Variants in SATB1 observed in about 807,000 individuals in gnomAD.
SATB1 encodes the protein SATB homeobox 1.
Under a neutral mutation model 86.9 loss-of-function variants are expected in SATB1, and 11 were observed. The observed-to-expected ratio is 0.13, with a 90% CI of 0.08 to 0.21. The LOEUF is 0.21. Ranked by LOEUF, SATB1 falls within the 10% of genes least tolerant of loss-of-function variation. The pLI is 1.00. For missense variants in SATB1, 551 were observed against 937.6 expected, an observed-to-expected ratio of 0.59 and a Z score of 5.39; for synonymous variants, 357 against 357.2, an observed-to-expected ratio of 1.00 and a Z score of 0.01.
At chr3:18,412,442 T>C (rs1697902845) in intron 5 of SATB1, among the ~76,000 whole-genome samples, 1 of 152,050 alleles carries the variant, frequency 6.6e-6, no homozygotes, top group Non-Finnish European at 1.5e-5. Context: ...TTCTACTAAC[T>C]ATAATATTTA....
intron 9 of SATB1, among the ~76,000 whole-genome samples, chr3:18,368,470 T>C (rs749956422): frequency 2.6e-5 from 4 of 151,514 alleles, no homozygotes; most frequent in Admixed American, 2.0e-4. Flanking sequence ...ACATGGAAAA[T>C]AGACTAAGTG....
intron 2 of SATB1, chr3:18,417,703 C>T (rs1401315124): frequency 1.4e-6 from 1 of 695,968 alleles, no homozygotes; most frequent in African/African-American, 1.8e-5. Flanking sequence ...TCAATATCTG[C>T]ATAATGTAGA....
intron 9 of SATB1, among the ~76,000 whole-genome samples, chr3:18,366,400 G>A (rs1232783469): frequency 1.3e-5 from 2 of 151,632 alleles, no homozygotes; most frequent in Non-Finnish European, 2.9e-5. Context: ...CCCGTTTAAT[G>A]TGCTATTAAA....
At position 18,394,346 on chromosome 3, in the gene SATB1, T is replaced by A. The variant is rs146273124; in HGVS notation, c.1206+116A>T. The A allele has an allele frequency of 1.7e-3, 1,501 of 858,628 alleles. 5 individuals are homozygous for A. The highest frequency in any genetic ancestry group is 2.9e-3 in the Middle Eastern group (8 of 2,758). The allele number at this position is 858,628 out of a possible 1,614,324, so 53.2% of individuals were successfully genotyped here. On this transcript the variant is annotated intron_variant, in intron 7 of 10. Transcript: ENST00000338745. The surrounding 1 kb of genome is among the most constrained non-coding windows in gnomAD (Gnocchi z 5.9). ...ACCAGGAATAGGTAATATGATCACA[T>A]GAAGAGAGAGAGAAAATGTTAGTAC...
At chr3:18,381,254 G>A (rs190834681) in intron 8 of SATB1, among the ~76,000 whole-genome samples, 12 of 152,112 alleles carry the variant, frequency 7.9e-5, no homozygotes, top group East Asian at 1.9e-4. Context: ...GATTTTACAC[G>A]AAATGAACTC....
intron 9 of SATB1, among the ~76,000 whole-genome samples, chr3:18,377,046 A>G (rs1431003994): frequency 6.6e-6 from 1 of 152,220 alleles, no homozygotes; most frequent in Admixed American, 6.5e-5. Context: ...CATCAGGCCT[A>G]TAACTTAAAC....
intron 9 of SATB1, among the ~76,000 whole-genome samples, chr3:18,357,771 T>C (rs1575084174): frequency 6.6e-6 from 1 of 151,866 alleles, no homozygotes; most frequent in Non-Finnish European, 1.5e-5. Context: ...TACAACAGTA[T>C]AGTTACAGAA....
At chr3:18,392,536 TATATATATACACATATATAC>T (rs1401375630) in intron 7 of SATB1, among the ~76,000 whole-genome samples, 2 of 150,996 alleles carry the variant, frequency 1.3e-5, no homozygotes, top group Admixed American at 6.6e-5. Flanking sequence ...CACCAGTAAC[TATATATATACACATATATAC>T]ATATATATAC....
At chr3:18,395,871 C>A (rs892992742) in intron 6 of SATB1, among the ~76,000 whole-genome samples, 4 of 152,140 alleles carry the variant, frequency 2.6e-5, no homozygotes, top group African/African-American at 9.7e-5. Flanking sequence ...GAGACTGGTT[C>A]GATGCTCTTG....
chr3:18,421,098 T>C lies in SATB1; in HGVS notation c.-24-107A>G, dbSNP rs575792206. 340 of 713,256 alleles carry C rather than the reference T, an allele frequency of 4.8e-4. 3 individuals carry two copies. The highest frequency in any genetic ancestry group is 7.6e-4 in the South Asian group (42 of 55,560). 44.2% of individuals were successfully genotyped at this position (713,256 alleles called of 1,614,324 possible). ...TCTAGATATCTCTCCACAAATATAA[T>C]GTATTTGTAAAATGGCCTATCTAGA... On this transcript the variant is annotated intron_variant, in intron 1 of 10. Transcript: ENST00000338745.
intron 2 of SATB1, among the ~76,000 whole-genome samples, chr3:18,435,846 T>C (rs1699039952): frequency 1.3e-5 from 2 of 152,130 alleles, no homozygotes; most frequent in South Asian, 4.1e-4. Flanking sequence ...CAACAATTAA[T>C]AGGGCAAATA....
At chr3:18,416,807 C>G in intron 3 of SATB1, 95 bp downstream of exon 3, 1 of 1,260,642 alleles carries the variant, frequency 7.9e-7, no homozygotes, top group Non-Finnish European at 1.1e-6. Context: ...AATACACAGG[C>G]TACAGTTCTT....
At chr3:18,354,838 A>C (rs1395254699) in intron 9 of SATB1, among the ~76,000 whole-genome samples, 1 of 152,124 alleles carries the variant, frequency 6.6e-6, no homozygotes, top group Non-Finnish European at 1.5e-5. Context: ...ATATTTCAGA[A>C]AAAGAGCCCC....
Position 18,349,819 on chromosome 3 carries a change from T to TTTCAAAGACATTTCAGAAAGGTGAGCTAC in SATB1, c.1780-138_1780-137insGTAGCTCACCTTTCTGAAATGTCTTTGAA. ...GGGATGAAGATTTAGAAAGAAAAGG[T>TTTCAAAGACATTTCAGAAAGGTGAGCTAC]AGGCCGGCGAAATGGCCGACAGCAT... is the stretch of plus-strand genomic sequence containing the variant. On this transcript the variant is annotated intron_variant, in intron 10 of 10. Transcript: ENST00000338745. This position sits in a 1 kb window ranked among gnomAD's most constrained non-coding sequence, Gnocchi z 5.5. The TTTCAAAGACATTTCAGAAAGGTGAGCTAC allele has an allele frequency of 7.1e-7, 1 of 1,404,974 alleles. No homozygotes were observed. Among genetic ancestry groups the TTTCAAAGACATTTCAGAAAGGTGAGCTAC allele is most frequent in the Non-Finnish European group, 9.3e-7 (1 of 1,074,748 alleles). The allele number at this position is 1,404,974 out of a possible 1,614,324, so 87.0% of individuals were successfully genotyped here.
chr3:18,382,064 T>A (rs1480293221), intron 8 of SATB1, among the ~76,000 whole-genome samples: 1 of 152,198 alleles, frequency 6.6e-6, no homozygotes, highest in African/African-American at 2.4e-5. Flanking sequence ...AGTGTTAAGT[T>A]CCTGCCTGTA....
intron 8 of SATB1, among the ~76,000 whole-genome samples, chr3:18,382,679 A>C (rs1696125192): frequency 6.6e-6 from 1 of 152,224 alleles, no homozygotes; most frequent in Non-Finnish European, 1.5e-5. Flanking sequence ...ACAATCCCAG[A>C]AATGCCATTG....
chr3:18,373,918 C>T (rs902892807), intron 9 of SATB1, among the ~76,000 whole-genome samples: 2 of 152,146 alleles, frequency 1.3e-5, no homozygotes, highest in African/African-American at 4.8e-5. Context: ...TCAGAGACTG[C>T]AAAAATATTA....
rs373995645 is a variant in SATB1, at chr3:18,367,909, T to C, written c.1575+10261A>G. Among the ~76,000 whole-genome samples the C allele has an allele frequency of 3.0e-4, 45 of 152,316 alleles. 1 individual carries two copies. The highest frequency in any genetic ancestry group is 1.0e-3 in the African/African-American group (42 of 41,584). On this transcript the variant is annotated intron_variant, in intron 9 of 10. Coordinates refer to ENST00000338745, the MANE Select transcript of SATB1 (RefSeq NM_002971.6). ...TTTTAATGGTGAGCTCCACCAGTGA[T>C]TGCAAAAAGTGACTGAACTTGCATG...
chr3:18,351,634 T>G (rs958267555), intron 10 of SATB1: 5 of 525,084 alleles, frequency 9.5e-6, no homozygotes, highest in Middle Eastern at 4.8e-4. Context: ...AGGGGCACTG[T>G]GGTATTAATT....
Sources: allele counts gnomAD v4.1 joint callset (sites outside exome capture counted in the v4.1 genomes callset), GRCh38; gene constraint gnomAD v4.1.1; non-coding constraint Gnocchi (gnomAD v3.1); transcripts MANE v1.5; gene names NCBI Gene and HGNC (gene_info 2026-07-23, HGNC 2026-07-21).